LHFPL3: variants seen among roughly 807,000 people sequenced by gnomAD.
LHFPL3 encodes the protein LHFPL tetraspan subfamily member 3.
LHFPL3 carries 5 observed loss-of-function variants against 19.3 expected under a neutral mutation model. The ratio of observed to expected loss-of-function variants is 0.26; its 90% CI spans 0.14 to 0.54. The LOEUF is 0.54. Ranked by LOEUF, LHFPL3 falls within the 20% of genes least tolerant of loss-of-function variation. The pLI, the probability that LHFPL3 is intolerant of heterozygous loss-of-function variation, is 0.94. For synonymous variants in LHFPL3, 133 were observed against 126.2 expected, an observed-to-expected ratio of 1.05 and a Z score of -0.36; for missense variants, 249 against 307.4, an observed-to-expected ratio of 0.81 and a Z score of 1.42.
At chr7:104,768,015 T>TCTCTGAGATAATGA (rs1794486129) in intron 2 of LHFPL3, among the ~76,000 whole-genome samples, 1 of 152,008 alleles carries the variant, frequency 6.6e-6, no homozygotes, top group Non-Finnish European at 1.5e-5. Flanking sequence ...AATCCCTAAG[T>TCTCTGAGATAATGA]CTCTGAGATA....
chr7:104,749,210 G>A (rs1794108730), intron 2 of LHFPL3, among the ~76,000 whole-genome samples: 2 of 152,262 alleles, frequency 1.3e-5, no homozygotes, highest in South Asian at 4.1e-4. Context: ...AGGAGTAGAG[G>A]TTTGGATCTT....
In LHFPL3 at chr7:104,604,398, G is replaced by T. The variant is rs955306271; in HGVS notation, c.446-132277G>T. Among the ~76,000 whole-genome samples the T allele has an allele frequency of 7.2e-5, 11 of 152,170 alleles. 1 individual carries two copies. Among genetic ancestry groups the T allele is most frequent in the Admixed American group, 7.2e-4 (11 of 15,268 alleles). ...CCCGCTAGAGCTCTGGGCCTGTGAT[G>T]GGAGGGGCAGCCTCAAAGAGCTCTG... On this transcript the variant is annotated intron_variant, in intron 1 of 2. Transcript: ENST00000424859.
chr7:104,781,392 A>G (rs1334087246), intron 2 of LHFPL3, among the ~76,000 whole-genome samples: 1 of 152,014 alleles, frequency 6.6e-6, no homozygotes, highest in Non-Finnish European at 1.5e-5. Context: ...CTCTCCTGTC[A>G]CAGTGGAAGA....
intron 1 of LHFPL3, among the ~76,000 whole-genome samples, chr7:104,611,616 A>G (rs1791215262): frequency 6.6e-6 from 1 of 152,186 alleles, no homozygotes; most frequent in African/African-American, 2.4e-5. Context: ...GGGAAATGGA[A>G]AAAGAAATAT....
At chr7:104,525,050 C>T (rs1413302507) in intron 1 of LHFPL3, among the ~76,000 whole-genome samples, 5 of 152,144 alleles carry the variant, frequency 3.3e-5, no homozygotes, top group Non-Finnish European at 7.4e-5. Context: ...TTAACAGCTC[C>T]TTTAGCTTGT....
intron 1 of LHFPL3, among the ~76,000 whole-genome samples, chr7:104,581,794 G>A (rs975335122): frequency 2.6e-5 from 4 of 151,822 alleles, no homozygotes; most frequent in Non-Finnish European, 5.9e-5. Context: ...AAATAACCAC[G>A]TACATGTGGG....
intron 1 of LHFPL3, among the ~76,000 whole-genome samples, chr7:104,432,095 T>G (rs776753125): frequency 2.0e-5 from 3 of 152,210 alleles, no homozygotes; most frequent in Non-Finnish European, 4.4e-5. Flanking sequence ...GCGTGAAGTT[T>G]AAATGCTCTC....
intron 2 of LHFPL3, among the ~76,000 whole-genome samples, chr7:104,847,280 G>C (rs1348300547): frequency 6.6e-6 from 1 of 152,218 alleles, no homozygotes; most frequent in Admixed American, 6.5e-5. Context: ...CTCCTTTTCA[G>C]TGTATTGCTG....
intron 1 of LHFPL3, among the ~76,000 whole-genome samples, chr7:104,512,967 G>A (rs1382235400): frequency 6.6e-6 from 1 of 152,092 alleles, no homozygotes. Flanking sequence ...GCTTCCTTTA[G>A]AAACCCTAGG....
At chr7:104,825,004 A>C (rs1441792476) in intron 2 of LHFPL3, among the ~76,000 whole-genome samples, 1 of 149,046 alleles carries the variant, frequency 6.7e-6, no homozygotes, top group African/African-American at 2.5e-5. Flanking sequence ...TGAATTATGC[A>C]TGCTTGTATG....
chr7:104,608,063 T>G (rs947294200), intron 1 of LHFPL3, among the ~76,000 whole-genome samples: 2 of 152,154 alleles, frequency 1.3e-5, no homozygotes, highest in African/African-American at 4.8e-5. Flanking sequence ...GTAAACTAGT[T>G]CAACCATTGT....
intron 1 of LHFPL3, among the ~76,000 whole-genome samples, chr7:104,503,198 G>A (rs1793634325): frequency 1.3e-5 from 2 of 151,658 alleles, no homozygotes; most frequent in South Asian, 2.1e-4. Flanking sequence ...ATACTAAGAA[G>A]GTATAAAAAG....
intron 1 of LHFPL3, among the ~76,000 whole-genome samples, chr7:104,581,783 T>G (rs1790465681): frequency 1.3e-5 from 2 of 152,008 alleles, no homozygotes; most frequent in African/African-American, 4.8e-5. Context: ...GTCAAAACAG[T>G]AAATAACCAC....
chr7:104,633,097 A>C (rs2115856684), intron 1 of LHFPL3, among the ~76,000 whole-genome samples: 1 of 152,290 alleles, frequency 6.6e-6, no homozygotes, highest in South Asian at 2.1e-4. Flanking sequence ...GATGATGAGG[A>C]AGTCTAGACA....
rs76063410 is a variant in LHFPL3, at chr7:104,581,295, T to C, written c.446-155380T>C. Among the ~76,000 whole-genome samples, 627 of 152,250 alleles carry C rather than the reference T, an allele frequency of 4.1e-3. 34 individuals carry two copies. The East Asian group carries it at 0.1, about 24-fold the overall frequency. Reference sequence around the variant, plus strand: ...ACTAATGATGTTAAGCACTTTTTCATGTGCTTATTGCCTGTTCAGAGATCT... The same window carrying C: ...ACTAATGATGTTAAGCACTTTTTCACGTGCTTATTGCCTGTTCAGAGATCT... On this transcript the variant is annotated intron_variant, in intron 1 of 2. Coordinates refer to ENST00000424859, the MANE Select transcript of LHFPL3 (RefSeq NM_199000.3).
intron 2 of LHFPL3, among the ~76,000 whole-genome samples, chr7:104,852,786 G>A (rs1036254392): frequency 2.6e-5 from 4 of 152,224 alleles, no homozygotes; most frequent in African/African-American, 9.6e-5. Context: ...TGAGCTACTG[G>A]AGCATGGGGC....
intron 1 of LHFPL3, among the ~76,000 whole-genome samples, chr7:104,680,260 C>T (rs576784800): frequency 6.6e-6 from 1 of 152,330 alleles, no homozygotes; most frequent in Non-Finnish European, 1.5e-5. Flanking sequence ...CCTCCCTATG[C>T]TGAAAAGATG....
chr7:104,622,993 T>C, intron 1 of LHFPL3: 1 of 372,090 alleles, frequency 2.7e-6, no homozygotes, highest in Non-Finnish European at 5.6e-6. Flanking sequence ...TGGAGGATGC[T>C]CTCATTGTAA....
chr7:104,773,672 G>A (rs1794596652), intron 2 of LHFPL3, among the ~76,000 whole-genome samples: 1 of 152,166 alleles, frequency 6.6e-6, no homozygotes, highest in Non-Finnish European at 1.5e-5. Context: ...CAGGCCCCTG[G>A]CCCAGTCCTT....
Sources: allele counts gnomAD v4.1 joint callset (sites outside exome capture counted in the v4.1 genomes callset), GRCh38; gene constraint gnomAD v4.1.1; transcripts MANE v1.5; gene names NCBI Gene and HGNC (gene_info 2026-07-23, HGNC 2026-07-21).